Variants in HERC3 observed in about 807,000 individuals in gnomAD.
HERC3 encodes probable E3 ubiquitin-protein ligase HERC3.
A neutral mutation model predicts 129.9 loss-of-function variants in HERC3; 58 were observed. That is an observed-to-expected ratio of 0.45 (90% CI 0.36 to 0.56). HERC3 has a LOEUF of 0.56. Ranked by LOEUF, HERC3 falls within the 20% of genes least tolerant of loss-of-function variation. The pLI is 0.00. For synonymous variants in HERC3, 430 were observed against 451.0 expected (o/e 0.95, Z 0.59); for missense variants, 835 against 1,244.2 (o/e 0.67, Z 4.95).
chr4:88,707,050 T>C lies in HERC3; in HGVS notation c.*90T>C. On this transcript the variant is annotated 3_prime_UTR_variant, in exon 26 of 26. Coordinates refer to ENST00000402738, the MANE Select transcript of HERC3 (RefSeq NM_014606.3). The stretch of plus-strand genomic sequence containing the variant: ...AATCATGGGGAGTGATTTCTATTTT[T>C]TTATTGTCTAAGTGGGTTGGGACTT... 9.6e-7 allele frequency: 1 copy of C among 1,038,172 alleles called. No individual in the cohort carries two copies. The highest frequency in any genetic ancestry group is 1.5e-6 in the Non-Finnish European group (1 of 688,418). The allele number at this position is 1,038,172 out of a possible 1,614,324, so 64.3% of individuals were successfully genotyped here. A position where few individuals can be genotyped will look rare whatever the true frequency, so the allele number is the denominator to read the frequency against.
At chr4:88,699,861 C>T (rs796523424) in intron 23 of HERC3, among the ~76,000 whole-genome samples, 19 of 152,300 alleles carry the variant, frequency 1.2e-4, no homozygotes, top group African/African-American at 4.1e-4. Flanking sequence ...GTATCATTTA[C>T]ATAACAGTAA....
Position 88,602,402 on chromosome 4 carries a change from CAAAAAAA to C in HERC3, c.-29-3375_-29-3369del, listed in dbSNP as rs112656963. On this transcript the variant is annotated intron_variant, in intron 2 of 25. Coordinates refer to ENST00000402738, the MANE Select transcript of HERC3 (RefSeq NM_014606.3). ...GGGAGACAGAGCGAGACTTGGTCTC[CAAAAAAA>C]AAAAAAAAAAAAAAAAAGTATGTTT... Among the ~76,000 whole-genome samples the C allele has an allele frequency of 2.9e-4, 15 of 51,230 alleles. 1 individual carries two copies. Among genetic ancestry groups the C allele is most frequent in the East Asian group, 1.1e-3 (2 of 1,788 alleles). The allele number at this position is 51,230 out of a possible 152,430, so 33.6% of individuals were successfully genotyped here.
intron 3 of HERC3, among the ~76,000 whole-genome samples, chr4:88,629,061 C>T (rs1726456585): frequency 6.6e-6 from 1 of 152,158 alleles, no homozygotes; most frequent in Non-Finnish European, 1.5e-5. Flanking sequence ...ATCCCAGCCA[C>T]TTGGGAGACT....
intron 3 of HERC3, among the ~76,000 whole-genome samples, chr4:88,623,481 T>G (rs891633209): frequency 6.6e-6 from 1 of 152,214 alleles, no homozygotes; most frequent in Non-Finnish European, 1.5e-5. Flanking sequence ...AATGAATAGC[T>G]CATTATCACT....
intron 11 of HERC3, among the ~76,000 whole-genome samples, 159 bp downstream of exon 11, chr4:88,662,714 A>T (rs926440036): frequency 6.6e-6 from 1 of 152,088 alleles, no homozygotes; most frequent in Non-Finnish European, 1.5e-5. Context: ...TTCAGGGTTG[A>T]TCTCCTTAGC....
the HERC3 span, chr4:88,523,943 C>T: frequency 2.0e-6 from 1 of 489,344 alleles, no homozygotes; most frequent in Non-Finnish European, 3.6e-6. Flanking sequence ...GTGAGTGCCC[C>T]GCCGCCTTAC....
intron 3 of HERC3, among the ~76,000 whole-genome samples, chr4:88,639,383 C>T (rs2149254239): frequency 6.6e-6 from 1 of 152,176 alleles, no homozygotes; most frequent in South Asian, 2.1e-4. Flanking sequence ...GGTACTAGTA[C>T]CAAAACAGAC....
upstream of HERC3, among the ~76,000 whole-genome samples, chr4:88,589,483 T>C (rs1377876106): frequency 5.9e-5 from 9 of 152,252 alleles, no homozygotes; most frequent in Admixed American, 5.9e-4. Context: ...TTAATGTTTG[T>C]CTCCCCTTTC....
intron 13 of HERC3, 108 bp from the exon 14 acceptor site, chr4:88,667,784 A>G: frequency 3.7e-6 from 3 of 814,426 alleles, no homozygotes; most frequent in Admixed American, 2.2e-5. Flanking sequence ...CTCAGTGCAT[A>G]GTGAATGAAT....
intron 3 of HERC3, among the ~76,000 whole-genome samples, chr4:88,623,411 C>T (rs143611390): frequency 6.6e-6 from 1 of 152,308 alleles, no homozygotes; most frequent in East Asian, 1.9e-4. Flanking sequence ...GTTTACCTCA[C>T]TATACTGTAA....
intron 12 of HERC3, among the ~76,000 whole-genome samples, chr4:88,664,738 T>C (rs1730863932): frequency 6.6e-6 from 1 of 152,214 alleles, no homozygotes; most frequent in Non-Finnish European, 1.5e-5. Context: ...CCCACAGTTT[T>C]AAAATTTTTA....
At chr4:88,573,170 C>A in the HERC3 span, among the ~76,000 whole-genome samples, 10 of 152,316 alleles carry the variant, frequency 6.6e-5, no homozygotes, top group East Asian at 1.5e-3. Flanking sequence ...TGGGTTTTAA[C>A]ATCTGAATGT....
At chr4:88,651,773 A>G (rs920580527) in intron 4 of HERC3, among the ~76,000 whole-genome samples, 1 of 152,126 alleles carries the variant, frequency 6.6e-6, no homozygotes, top group Non-Finnish European at 1.5e-5. Flanking sequence ...TTTTTAGTAG[A>G]GATGGGGTTT....
intron 11 of HERC3, 42 bp from the exon 12 acceptor site, chr4:88,664,110 GT>G: frequency 6.6e-7 from 1 of 1,525,478 alleles, no homozygotes; most frequent in Non-Finnish European, 9.0e-7. Flanking sequence ...CCATTTATTT[GT>G]AATTATTAAA....
intron 3 of HERC3, among the ~76,000 whole-genome samples, chr4:88,641,311 A>G (rs769369362): frequency 1.1e-4 from 17 of 152,228 alleles, no homozygotes; most frequent in Non-Finnish European, 1.9e-4. Context: ...AGCTTAAAGC[A>G]GTGCTTAGAG....
chr4:88,665,523 C>T (rs75517584), intron 12 of HERC3, among the ~76,000 whole-genome samples: 21 of 152,284 alleles, frequency 1.4e-4, no homozygotes, highest in Non-Finnish European at 2.9e-4. Flanking sequence ...GCTGACTGGG[C>T]GGTGCCTACC....
intron 3 of HERC3, among the ~76,000 whole-genome samples, chr4:88,617,876 A>G (rs934003471): frequency 6.9e-6 from 1 of 145,370 alleles, no homozygotes; most frequent in Non-Finnish European, 1.5e-5. Flanking sequence ...GTCTAAAGGA[A>G]AAAAAAAGAA....
the HERC3 span, among the ~76,000 whole-genome samples, chr4:88,586,217 G>A: frequency 1.5e-4 from 23 of 152,104 alleles, no homozygotes; most frequent in Admixed American, 7.2e-4. Flanking sequence ...CAGCATATCC[G>A]TTTTGCGTAT....
At chr4:88,552,772 A>T in the HERC3 span, among the ~76,000 whole-genome samples, 42 of 152,342 alleles carry the variant, frequency 2.8e-4, no homozygotes, top group African/African-American at 1.0e-3. Context: ...TCTCATCTGT[A>T]ACTACTGGCC....
Sources: gnomAD v4.1 joint callset for allele counts (sites outside exome capture counted in the v4.1 genomes callset) on GRCh38, gnomAD v4.1.1 for gene constraint, MANE v1.5 for transcripts, NCBI Gene and HGNC (gene_info 2026-07-23, HGNC 2026-07-21) for gene names.